PLXDC2: variants seen among roughly 807,000 people sequenced by gnomAD.
PLXDC2 encodes the protein plexin domain containing 2, also known as plexin domain-containing protein 2.
Under a neutral mutation model 68.9 loss-of-function variants are expected in PLXDC2, and 40 were observed. The observed-to-expected ratio is 0.58, with a 90% confidence interval of 0.45 to 0.76. The LOEUF (loss-of-function observed/expected upper bound fraction) is 0.76, where lower values mean the gene tolerates loss of function less well. PLXDC2 is among the 30% of genes least tolerant of loss of function. PLXDC2 has a pLI of 0.00. For missense variants in PLXDC2, 644 were observed against 661.9 expected (o/e 0.97, Z 0.30); for synonymous variants, 243 against 234.2 (o/e 1.04, Z -0.34).
At chr10:19,935,091 G>A (rs1340618332) in intron 1 of PLXDC2, among the ~76,000 whole-genome samples, 1 of 152,110 alleles carries the variant, frequency 6.6e-6, no homozygotes, top group Non-Finnish European at 1.5e-5. Flanking sequence ...TCAAATCATT[G>A]ATCATTTATC....
At chr10:20,152,529 T>C (rs1217363135) in intron 6 of PLXDC2, among the ~76,000 whole-genome samples, 1 of 152,122 alleles carries the variant, frequency 6.6e-6, no homozygotes, top group East Asian at 1.9e-4. Context: ...TCAGCCAAAA[T>C]ACAATAAGAA....
chr10:19,982,020 C>T (rs72789653), intron 1 of PLXDC2, among the ~76,000 whole-genome samples: 2,174 of 152,314 alleles, frequency 0.014, 22 homozygotes, highest in Middle Eastern at 0.031. Context: ...CAGAGTAAAA[C>T]GAGAATCTCC....
At position 19,855,823 on chromosome 10, in the gene PLXDC2, C is replaced by T. The variant is rs192890992; in HGVS notation, c.112+38632C>T. ...CCATTAGGCCGGGCTCGGTGGCTCA[C>T]GCCTGTAATCCCAGCACTTTGGGAG... is the stretch of plus-strand genomic sequence containing the variant. On this transcript the variant is annotated intron_variant, in intron 1 of 13. Transcript: ENST00000377252. Among the ~76,000 whole-genome samples, 26 of 152,240 alleles carry T rather than the reference C, an allele frequency of 1.7e-4. No individual in the cohort carries two copies. The East Asian group carries it at 3.1e-3, about 18-fold the overall frequency.
At chr10:19,878,773 T>C (rs1837679070) in intron 1 of PLXDC2, among the ~76,000 whole-genome samples, 1 of 152,192 alleles carries the variant, frequency 6.6e-6, no homozygotes, top group Non-Finnish European at 1.5e-5. Context: ...CACTAACACT[T>C]TTCAGCTTCA....
intron 1 of PLXDC2, among the ~76,000 whole-genome samples, chr10:19,955,074 A>ATT (rs750051734): frequency 0.25 from 24,778 of 99,098 alleles, 3,211 homozygotes; most frequent in East Asian, 0.45. Context: ...CCTTTCACTG[A>ATT]TTTTTTTTTT....
chr10:20,074,531 C>T (rs560658204), intron 4 of PLXDC2, among the ~76,000 whole-genome samples: 1 of 152,074 alleles, frequency 6.6e-6, no homozygotes, highest in African/African-American at 2.4e-5. Flanking sequence ...TGTTTAAATT[C>T]CCACTAAGAG....
intron 1 of PLXDC2, among the ~76,000 whole-genome samples, chr10:19,887,545 A>C (rs1837870962): frequency 6.6e-6 from 1 of 152,126 alleles, no homozygotes; most frequent in African/African-American, 2.4e-5. Context: ...AAACAAACAA[A>C]AAACAAAAAA....
intron 3 of PLXDC2, among the ~76,000 whole-genome samples, chr10:20,065,114 G>A (rs1024190759): frequency 1.3e-5 from 2 of 152,100 alleles, no homozygotes; most frequent in African/African-American, 4.8e-5. Flanking sequence ...TGGCTTTAGG[G>A]GTAATCCAAA....
chr10:19,827,536 G>T (rs1200362490), intron 1 of PLXDC2, among the ~76,000 whole-genome samples: 2 of 150,424 alleles, frequency 1.3e-5, no homozygotes, highest in Non-Finnish European at 3.0e-5. Flanking sequence ...GTACCACAGG[G>T]CTTCATAACA....
intron 13 of PLXDC2, among the ~76,000 whole-genome samples, chr10:20,272,699 T>C (rs1835955267): frequency 6.6e-6 from 1 of 152,234 alleles, no homozygotes; most frequent in Non-Finnish European, 1.5e-5. Context: ...TGGCTTGTTA[T>C]TATCACCATG....
At chr10:19,942,889 G>A (rs907342575) in intron 1 of PLXDC2, among the ~76,000 whole-genome samples, 7 of 152,116 alleles carry the variant, frequency 4.6e-5, no homozygotes, top group African/African-American at 1.2e-4. Context: ...CTTAGTTGAC[G>A]AAATGTTCAT....
chr10:20,231,895 TAGTCCC>T (rs1835369743), intron 12 of PLXDC2, among the ~76,000 whole-genome samples: 1 of 151,924 alleles, frequency 6.6e-6, no homozygotes, highest in Non-Finnish European at 1.5e-5. Context: ...CATACGCCTG[TAGTCCC>T]AGCTATGTGG....
rs551323957 is a variant in PLXDC2, at chr10:20,054,634, A to G, written c.471+7619A>G. 2.0e-5 allele frequency among the ~76,000 whole-genome samples: 3 copies of G among 152,204 alleles called. No individual in the cohort carries two copies. In the East Asian group the frequency reaches 5.8e-4, roughly 29 times the overall value. On this transcript the variant is annotated intron_variant, in intron 3 of 13. Transcript: ENST00000377252. Reference sequence around the variant, plus strand: ...AACCAAACACCGCATGTTCTCACTCATAGGTGGGAATTGAACAATGAGAAC... The same window carrying G: ...AACCAAACACCGCATGTTCTCACTCGTAGGTGGGAATTGAACAATGAGAAC...
chr10:20,278,202 A>G (rs551431405), intron 13 of PLXDC2, among the ~76,000 whole-genome samples: 1 of 152,156 alleles, frequency 6.6e-6, no homozygotes, highest in Non-Finnish European at 1.5e-5. Context: ...CTTGCTACCA[A>G]CTAGCCTTGG....
chr10:20,202,106 G>A (rs1163298698), intron 9 of PLXDC2, among the ~76,000 whole-genome samples: 1 of 152,086 alleles, frequency 6.6e-6, no homozygotes, highest in Non-Finnish European at 1.5e-5. Context: ...TTCACCCAGT[G>A]GGTGACAAGC....
chr10:19,859,291 C>A (rs563008290), intron 1 of PLXDC2, among the ~76,000 whole-genome samples: 2 of 152,116 alleles, frequency 1.3e-5, no homozygotes, highest in East Asian at 1.9e-4. Flanking sequence ...AAAAAACAAA[C>A]CATATTCACA....
intron 9 of PLXDC2, among the ~76,000 whole-genome samples, chr10:20,205,949 A>G (rs959687225): frequency 1.8e-4 from 28 of 151,724 alleles, no homozygotes; most frequent in African/African-American, 6.5e-4. Flanking sequence ...GTACCTATCT[A>G]TTATATATTG....
chr10:20,047,183 G>T (rs10740961), intron 3 of PLXDC2, among the ~76,000 whole-genome samples, 168 bp downstream of exon 3: 108,386 of 152,052 alleles, frequency 0.71, 39,612 homozygotes, highest in East Asian at 0.85. Context: ...AATTTAGATT[G>T]ATTACTGCAT....
chr10:20,162,095 G>T (rs1564338023), intron 6 of PLXDC2, among the ~76,000 whole-genome samples: 1 of 135,008 alleles, frequency 7.4e-6, no homozygotes, highest in East Asian at 2.2e-4. Flanking sequence ...AAGGAAGGAA[G>T]GAAGGAAGGA....
Sources: allele counts gnomAD v4.1 joint callset (sites outside exome capture counted in the v4.1 genomes callset), GRCh38; gene constraint gnomAD v4.1.1; transcripts MANE v1.5; gene names NCBI Gene and HGNC (gene_info 2026-07-23, HGNC 2026-07-21).